DARS2: variants seen among roughly 807,000 people sequenced by gnomAD.
The protein encoded by DARS2 is aspartate--tRNA ligase, mitochondrial.
In DARS2, 63 loss-of-function variants were observed where a neutral mutation model predicts 83.0. That is an observed-to-expected ratio of 0.76 (90% CI 0.62 to 0.94). DARS2 has a LOEUF of 0.94. Among genes scored for constraint, DARS2 ranks in the 40% least tolerant of loss-of-function variants. The probability of loss-of-function intolerance (pLI) is 0.00; values close to 1 mark genes in which losing one functional copy is unlikely to be tolerated. For synonymous variants in DARS2, 250 were observed against 269.3 expected, an observed-to-expected ratio of 0.93 and a Z score of 0.70; for missense variants, 675 against 774.4, an observed-to-expected ratio of 0.87 and a Z score of 1.52.
chr1:173,855,041 A>C (rs750991061), intron 15 of DARS2, among the ~76,000 whole-genome samples: 17 of 152,150 alleles, frequency 1.1e-4, no homozygotes, highest in Non-Finnish European at 1.9e-4. Flanking sequence ...AGACCATGAG[A>C]TGACTCCTTT....
At chr1:173,834,763 G>GTTTTTT (rs1652932155) in intron 7 of DARS2, among the ~76,000 whole-genome samples, 1 of 24,294 alleles carries the variant, frequency 4.1e-5, no homozygotes, top group African/African-American at 2.2e-4. Flanking sequence ...TTTTTGGTTT[G>GTTTTTT]TTTTGGGTTT....
chr1:173,826,714 A>G lies in DARS2; in HGVS notation c.155A>G (p.Asn52Ser), dbSNP rs768418499. ...PEFSSFVVRT[N>S]TCGELRSSHL... ...TTCAGTAGCTTTGTTGTCCGGACCA[A>G]CACATGTGGAGAGTTGCGTTCGTCT... The change falls in exon 2 of 17, where the codon AAC becomes AGC. Residue 52 changes from asparagine (N) to serine (S), a missense_variant. Transcript: ENST00000649689. 1 of 1,612,222 alleles carries G rather than the reference A, an allele frequency of 6.2e-7. No homozygotes were observed. Among genetic ancestry groups the G allele is most frequent in the Admixed American group, 1.7e-5 (1 of 59,850 alleles).
chr1:173,834,732 G>GTTTTTTTTTTTTTTT, intron 7 of DARS2, among the ~76,000 whole-genome samples: 3 of 21,696 alleles, frequency 1.4e-4, no homozygotes, highest in African/African-American at 3.6e-4. Context: ...GAGTTTTTTT[G>GTTTTTTTTTTTTTTT]TTTTTTTTTT....
rs1457626345 is a variant in DARS2 at position 173,857,567 on chromosome 1, T to C, written c.1800T>C (p.Asp600=). 6.2e-6 allele frequency: 10 copies of C among 1,614,066 alleles called. No individual in the cohort carries two copies. The highest frequency in any genetic ancestry group is 1.6e-4 in the Middle Eastern group (1 of 6,084). ...CLVTGSPSIR[D]VIAFPKSFRG... is the part of the protein sequence containing the mutation. ...TCACTGGATCTCCAAGCATCAGAGA[T>C]GTCATAGCCTTCCCAAAGTCCTTCC... Residue 600 remains aspartate (D), a synonymous_variant, in exon 17 of 17, where the codon GAT becomes GAC. Coordinates refer to ENST00000649689, the MANE Select transcript of DARS2 (RefSeq NM_018122.5).
intron 15 of DARS2, among the ~76,000 whole-genome samples, chr1:173,855,817 AT>A (rs57005267): frequency 0.16 from 22,342 of 139,588 alleles, 5,250 homozygotes; most frequent in African/African-American, 0.52. Context: ...CACGCCCAGC[AT>A]TTTTTTTTTT....
Position 173,826,729 on chromosome 1 carries a change from T to C in DARS2, c.170T>C (p.Leu57Ser). ...FVVRTNTCGE[L>S]RSSHLGQEVT... Reference sequence around the variant, plus strand: ...GTCCGGACCAACACATGTGGAGAGTTGCGTTCGTCTCACTTAGGCCAAGAA... The same window carrying C: ...GTCCGGACCAACACATGTGGAGAGTCGCGTTCGTCTCACTTAGGCCAAGAA... Residue 57 changes from leucine (L) to serine (S), a missense_variant, in exon 2 of 17, where the codon TTG (leucine) becomes TCG (serine). Physicochemically the swap from Leu to Ser is moderately radical, Grantham distance 145 (BLOSUM62 -2). Transcript: ENST00000649689. 6.2e-7 allele frequency: 1 copy of C among 1,613,696 alleles called. No homozygotes were observed.
intron 5 of DARS2, among the ~76,000 whole-genome samples, chr1:173,832,028 G>A (rs182297698): frequency 1.4e-4 from 22 of 152,256 alleles, no homozygotes; most frequent in African/African-American, 3.4e-4. Context: ...TTAGAGCAAC[G>A]CTTGACCTCC....
chr1:173,838,359 A>C, intron 9 of DARS2, 100 bp downstream of exon 9: 1 of 833,566 alleles, frequency 1.2e-6, no homozygotes, highest in Non-Finnish European at 2.0e-6. Context: ...TTCTCATTAC[A>C]TTTTATCCAT....
intron 3 of DARS2, 54 bp downstream of exon 3, chr1:173,828,453 G>A: frequency 6.8e-7 from 1 of 1,481,474 alleles, no homozygotes; most frequent in Non-Finnish European, 9.4e-7. Flanking sequence ...CTATTGCTGG[G>A]GTAAGCTAAG....
Position 173,845,257 on chromosome 1 carries a change from C to A in DARS2, c.1157C>A (p.Ser386Tyr). 2 of 1,611,050 alleles carry A rather than the reference C, an allele frequency of 1.2e-6. No individual in the cohort carries two copies. Among genetic ancestry groups the A allele is most frequent in the Admixed American group, 1.7e-5 (1 of 59,980 alleles). ...AKYLKRKDIE[S>Y]IRNFAADHFN... ...TACTTAAAAAGGAAAGACATTGAAT[C>A]CATTAGAAACTTTGCAGCTGACCAT... Residue 386 changes from serine to tyrosine, a missense_variant, in exon 12 of 17, where the codon TCC becomes TAC. Physicochemically the swap from Ser to Tyr is moderately radical, Grantham distance 144. Coordinates refer to ENST00000649689, the MANE Select transcript of DARS2 (RefSeq NM_018122.5).
intron 15 of DARS2, among the ~76,000 whole-genome samples, chr1:173,856,191 A>T: frequency 6.6e-6 from 1 of 152,152 alleles, no homozygotes; most frequent in African/African-American, 2.4e-5. Context: ...CACACTTTCA[A>T]CATTTCTACA....
At chr1:173,856,497 T>G (rs1653865031) in intron 15 of DARS2, among the ~76,000 whole-genome samples, 169 bp from the exon 16 acceptor site, 1 of 152,212 alleles carries the variant, frequency 6.6e-6, no homozygotes, top group Non-Finnish European at 1.5e-5. Flanking sequence ...TGCAAATCAC[T>G]TAAGGTAATT....
chr1:173,826,828 T>G (rs1422680335), intron 2 of DARS2, 42 bp downstream of exon 2: 1 of 1,423,986 alleles, frequency 7.0e-7, no homozygotes, highest in Non-Finnish European at 9.9e-7. Flanking sequence ...GGTGGTGGTT[T>G]TCCCAGGGCA....
At position 173,825,328 on chromosome 1, in the gene DARS2, G is replaced by C; in HGVS notation, c.99G>C (p.Leu33=). 1 of 1,613,698 alleles carries C rather than the reference G, an allele frequency of 6.2e-7. No homozygotes were observed. Among genetic ancestry groups the C allele is most frequent in the Non-Finnish European group, 8.5e-7 (1 of 1,179,818 alleles). ...TCTGGGGTTCTCTCTACAGAAGTCT[G>C]TTGCAGAGTTCACAGAGGAGAATTC... ...QPIWGSLYRS[L]LQSSQRRIPE... is the part of the protein sequence containing the mutation. Residue 33 remains leucine, a synonymous_variant, in exon 1 of 17, where the codon CTG becomes CTC. Coordinates refer to ENST00000649689, the MANE Select transcript of DARS2 (RefSeq NM_018122.5).
At chr1:173,835,015 G>C (rs1342391739) in intron 7 of DARS2, among the ~76,000 whole-genome samples, 1 of 151,644 alleles carries the variant, frequency 6.6e-6, no homozygotes, top group African/African-American at 2.4e-5. Flanking sequence ...CACCTGACCT[G>C]AAATGATCCG....
intron 12 of DARS2, among the ~76,000 whole-genome samples, chr1:173,847,173 C>CAATATAACA (rs1236146798): frequency 5.9e-5 from 9 of 152,020 alleles, no homozygotes; most frequent in African/African-American, 2.2e-4. Context: ...AAAGTCAGGG[C>CAATATAACA]AATATAACAA....
chr1:173,827,554 C>A (rs1384308638), intron 2 of DARS2, among the ~76,000 whole-genome samples: 3 of 152,052 alleles, frequency 2.0e-5, no homozygotes, highest in African/African-American at 7.3e-5. Flanking sequence ...TTGCTTGAAC[C>A]CAGAAGGCAG....
chr1:173,850,623 A>G (rs1226498554), intron 13 of DARS2, 144 bp downstream of exon 13: 12 of 906,720 alleles, frequency 1.3e-5, no homozygotes, highest in Non-Finnish European at 1.9e-5. Context: ...TTTTTTTTTA[A>G]GAGACGGAGT....
At chr1:173,838,327 C>A in intron 9 of DARS2, 68 bp downstream of exon 9, 1 of 1,186,896 alleles carries the variant, frequency 8.4e-7, no homozygotes, top group Non-Finnish European at 1.3e-6. Context: ...TTTTCAAGAC[C>A]AGTGCAGTAT....
Sources: gnomAD v4.1 joint callset for allele counts (sites outside exome capture counted in the v4.1 genomes callset) on GRCh38, gnomAD v4.1.1 for gene constraint, MANE v1.5 for transcripts, NCBI Gene and HGNC (gene_info 2026-07-23, HGNC 2026-07-21) for gene names.